Variants in ABR observed in about 807,000 individuals in gnomAD.
ABR encodes ABR activator of RhoGEF and GTPase.
Under a neutral mutation model 107.2 loss-of-function variants are expected in ABR, and 35 were observed. That is an observed-to-expected ratio of 0.33 (90% CI 0.25 to 0.43). The LOEUF is 0.43. ABR is among the 20% of genes least tolerant of loss of function. The pLI, the probability that ABR is intolerant of heterozygous loss-of-function variation, is 1.00. For missense variants in ABR, 815 were observed against 1,115.2 expected (o/e 0.73, Z 3.83); for synonymous variants, 498 against 462.0 (o/e 1.08, Z -1.00).
chr17:1,023,250 C>T (rs1043833891), intron 16 of ABR, among the ~76,000 whole-genome samples: 20 of 152,244 alleles, frequency 1.3e-4, no homozygotes, highest in African/African-American at 4.1e-4. Context: ...TTTTAGCCCC[C>T]GGGCTGGGCA....
Position 1,027,825 on chromosome 17 carries a change from G to A in ABR, c.1792-14661C>T, listed in dbSNP as rs955585303. 1.3e-5 allele frequency among the ~76,000 whole-genome samples: 2 copies of A among 151,932 alleles called. No individual in the cohort carries two copies. Among genetic ancestry groups the A allele is most frequent in the Admixed American group, 6.6e-5 (1 of 15,256 alleles). On this transcript the variant is annotated intron_variant, in intron 16 of 22. Coordinates refer to ENST00000302538, the MANE Select transcript of ABR (RefSeq NM_021962.5). The surrounding 1 kb of genome is among the most constrained non-coding windows in gnomAD (Gnocchi z 4.7). ...ACAAGGAAGGGCGGTGGGCAGCCGGGCCAGGCCAGACTTCTATTGCAGAAG... is the reference window on the plus strand; with the variant it reads ...ACAAGGAAGGGCGGTGGGCAGCCGGACCAGGCCAGACTTCTATTGCAGAAG...
rs1394722074 is a variant in ABR at position 1,179,245 on chromosome 17, A to G, written c.61+422T>C. ...CTCGGGTGCCAACGACTGCTCCCAA[A>G]ACGGCCTTTCGGCTTCAGCCTGGAC... On this transcript the variant is annotated intron_variant, in intron 1 of 22. Transcript: ENST00000302538. This position sits in a 1 kb window ranked among gnomAD's most constrained non-coding sequence, Gnocchi z 4.9. 6.6e-6 allele frequency among the ~76,000 whole-genome samples: 1 copy of G among 151,648 alleles called. No individual in the cohort carries two copies. The highest frequency in any genetic ancestry group is 2.4e-5 in the African/African-American group (1 of 41,268).
chr17:1,024,299 C>T (rs1025154886), intron 16 of ABR, among the ~76,000 whole-genome samples: 16 of 152,208 alleles, frequency 1.1e-4, no homozygotes, highest in African/African-American at 3.1e-4. Context: ...TGATGCCTGA[C>T]GGGCAGGAGC....
intron 3 of ABR, among the ~76,000 whole-genome samples, chr17:1,094,563 G>A (rs1213952704): frequency 2.0e-5 from 3 of 152,040 alleles, no homozygotes; most frequent in Middle Eastern, 3.2e-3. Flanking sequence ...TAGATATGGG[G>A]TTTCACCATA....
intron 1 of ABR, among the ~76,000 whole-genome samples, chr17:1,135,741 T>C (rs1242215052): frequency 3.3e-5 from 5 of 152,174 alleles, no homozygotes; most frequent in Admixed American, 1.3e-4. Flanking sequence ...CTGGGCTTGG[T>C]GGCAGGTGCC....
rs553276217 is a variant in ABR at position 1,050,392 on chromosome 17, C to A, written c.1659+145G>T. 43 of 960,284 alleles carry A rather than the reference C, an allele frequency of 4.5e-5. No individual in the cohort carries two copies. Among genetic ancestry groups the A allele is most frequent in the African/African-American group, 4.5e-4 (28 of 62,728 alleles). The allele number at this position is 960,284 out of a possible 1,614,324, so 59.5% of individuals were successfully genotyped here. On this transcript the variant is annotated intron_variant, in intron 15 of 22. Transcript: ENST00000302538. The surrounding 1 kb of genome is among the most constrained non-coding windows in gnomAD (Gnocchi z 4.6). The stretch of plus-strand genomic sequence containing the variant: ...ACAGGGTCTGACACCCAGACACACA[C>A]CGCGATCAGAAGCCAGAGGAGCAGG...
rs959698262 is a variant in ABR, at chr17:1,203,600, A to C, written c.838+25193T>G. ...CCAGGCGCGGTTAATCCAGTCGGGA[A>C]CCCCTGAGTCACCGCCCGCCGCCGC... On this transcript the variant is annotated intron_variant, in intron 1 of 22. Transcript: ENST00000574139. Among the ~76,000 whole-genome samples the C allele has an allele frequency of 4.0e-5, 6 of 149,468 alleles. No homozygotes were observed. The South Asian group carries it at 1.3e-3, about 31-fold the overall frequency.
intron 1 of ABR, among the ~76,000 whole-genome samples, chr17:1,212,525 C>T (rs972370038): frequency 4.6e-5 from 7 of 152,132 alleles, no homozygotes; most frequent in Non-Finnish European, 7.4e-5. Context: ...GAGGCTGAGG[C>T]GGGCGGATCA....
intron 4 of ABR, among the ~76,000 whole-genome samples, 167 bp downstream of exon 4, chr17:1,091,498 C>T (rs2037028270): frequency 6.6e-6 from 1 of 152,182 alleles, no homozygotes; most frequent in Non-Finnish European, 1.5e-5. Context: ...AGGCCCCGGC[C>T]CCAGGCACCC....
intron 1 of ABR, among the ~76,000 whole-genome samples, chr17:1,212,992 AAAG>A (rs1204203854): frequency 6.6e-6 from 1 of 152,230 alleles, no homozygotes; most frequent in Non-Finnish European, 1.5e-5. Flanking sequence ...CCAAACAGCT[AAAG>A]GAGTGTGAAA....
chr17:1,030,227 A>T (rs1193809477), intron 16 of ABR, among the ~76,000 whole-genome samples: 2 of 152,192 alleles, frequency 1.3e-5, no homozygotes, highest in African/African-American at 4.8e-5. Context: ...CTGGGACCTC[A>T]GGTTTAAAAG....
rs576898229 is a variant in ABR, at chr17:1,178,481, T to C, written c.61+1186A>G. On this transcript the variant is annotated intron_variant, in intron 1 of 22. Transcript: ENST00000302538. ...CAGGAGGCTGAGGCGGGAGAATCAC[T>C]TGAACCCGGGAGGCAGAGGTTGCAA... Among the ~76,000 whole-genome samples, 8 of 151,710 alleles carry C rather than the reference T, an allele frequency of 5.3e-5. No individual in the cohort carries two copies. The East Asian group carries it at 1.6e-3, about 29-fold the overall frequency.
intron 2 of ABR, 60 bp from the exon 3 acceptor site, chr17:1,100,795 G>T: frequency 6.5e-7 from 1 of 1,527,064 alleles, no homozygotes; most frequent in Non-Finnish European, 9.1e-7. Flanking sequence ...ACCCTGCGTG[G>T]ACGGTCTGCT....
chr17:1,024,992 G>T (rs2072065294), intron 16 of ABR, among the ~76,000 whole-genome samples: 1 of 149,026 alleles, frequency 6.7e-6, no homozygotes, highest in African/African-American at 2.5e-5. Flanking sequence ...GAGGTGGCGG[G>T]CGCCTGTAGT....
intron 16 of ABR, among the ~76,000 whole-genome samples, chr17:1,046,661 A>G (rs2031664771): frequency 6.6e-6 from 1 of 152,218 alleles, no homozygotes; most frequent in Non-Finnish European, 1.5e-5. Flanking sequence ...TCTCCAGGCC[A>G]TTAGCCATGC....
At position 1,150,729 on chromosome 17, in the gene ABR, C is replaced by A. The variant is rs2040758133; in HGVS notation, c.62-25362G>T. Among the ~76,000 whole-genome samples, 2 of 152,136 alleles carry A rather than the reference C, an allele frequency of 1.3e-5. No homozygotes were observed. The highest frequency in any genetic ancestry group is 4.1e-4 in the South Asian group (2 of 4,832). On this transcript the variant is annotated intron_variant, in intron 1 of 22. Transcript: ENST00000302538. This position sits in a 1 kb window ranked among gnomAD's most constrained non-coding sequence, Gnocchi z 4.8. ...GCTCTAAACCAGAGGCAACAGGGCA[C>A]CCCACCCACTGGGAACCACGCGAGC...
rs1444083717 is a variant in ABR at position 1,078,364 on chromosome 17, TCTC to T, written c.700+963_700+965del. On this transcript the variant is annotated intron_variant, in intron 6 of 22. Coordinates refer to ENST00000302538, the MANE Select transcript of ABR (RefSeq NM_021962.5). The surrounding 1 kb of genome is among the most constrained non-coding windows in gnomAD (Gnocchi z 7.5). ...TCCAGAAACAAAGAAACTCCCAACTTCTCCCTCTGGCTCGCGCTGGCACCCTCT... is the reference window on the plus strand; with the variant it reads ...TCCAGAAACAAAGAAACTCCCAACTTCCTCTGGCTCGCGCTGGCACCCTCT... 2.0e-5 allele frequency among the ~76,000 whole-genome samples: 3 copies of T among 151,314 alleles called. No homozygotes were observed. The highest frequency in any genetic ancestry group is 2.0e-4 in the Admixed American group (3 of 15,198).
chr17:1,022,828 G>A (rs376083599), intron 16 of ABR, among the ~76,000 whole-genome samples: 1 of 152,334 alleles, frequency 6.6e-6, no homozygotes, highest in South Asian at 2.1e-4. Context: ...CCAGGGCCTC[G>A]GCTGGCTTCC....
chr17:1,054,513 GGAACCTCAGGGGATGGGGGCACAAA>G lies in ABR; in HGVS notation c.1561+1497_1561+1521del, dbSNP rs1220029275. On this transcript the variant is annotated intron_variant, in intron 14 of 22. Transcript: ENST00000302538. ...GAACCTCAAAGGGATGGGGATACAAGGAACCTCAGGGGATGGGGGCACAAAGAACCTGAGGGGACGGGGGCACAAA... is the reference window on the plus strand; with the variant it reads ...GAACCTCAAAGGGATGGGGATACAAGGAACCTGAGGGGACGGGGGCACAAA... 1.0e-3 allele frequency among the ~76,000 whole-genome samples: 145 copies of G among 145,198 alleles called. 6 individuals are homozygous for G. The highest frequency in any genetic ancestry group is 3.8e-3 in the African/African-American group (138 of 36,764).
Sources: allele counts gnomAD v4.1 joint callset (sites outside exome capture counted in the v4.1 genomes callset), GRCh38; gene constraint gnomAD v4.1.1; non-coding constraint Gnocchi (gnomAD v3.1); transcripts MANE v1.5; gene names NCBI Gene and HGNC (gene_info 2026-07-23, HGNC 2026-07-21).